The following SLU7 variants were observed in gnomAD, a reference collection of about 807,000 sequenced individuals.
SLU7 encodes the protein pre-mRNA-splicing factor SLU7.
SLU7 carries 60 observed loss-of-function variants against 87.0 expected under a neutral mutation model. That is an observed-to-expected ratio of 0.69 (90% CI 0.56 to 0.86). The LOEUF is 0.86. SLU7 is among the 40% of genes least tolerant of loss of function. The pLI is 0.00. For synonymous variants in SLU7, 197 were observed against 222.0 expected (o/e 0.89, Z 1.00); for missense variants, 507 against 686.6 (o/e 0.74, Z 2.92).
At chr5:160,409,595 T>C (rs573959776) in intron 6 of SLU7, among the ~76,000 whole-genome samples, 1 of 152,318 alleles carries the variant, frequency 6.6e-6, no homozygotes, top group East Asian at 1.9e-4. Context: ...TATCCTAGTA[T>C]CATGTCAATT....
chr5:160,413,610 C>T lies in SLU7; in HGVS notation c.416G>A (p.Arg139Gln), dbSNP rs756490598. 9.3e-6 allele frequency: 15 copies of T among 1,609,212 alleles called. No individual in the cohort carries two copies. Among genetic ancestry groups the T allele is most frequent in the African/African-American group, 4.0e-5 (3 of 74,768 alleles). Residue 139 changes from arginine (R) to glutamine (Q), a missense_variant, in exon 5 of 16, where the codon CGA becomes CAA. Arg to Gln is a conservative substitution (Grantham distance 43). Transcript: ENST00000297151. ...AGTACCTGTAAATTTGGCTCCAACT[C>T]GCCTAGGTCTCTAAAAACAGAGTAA... ...KKKDCFERPR[R>Q]VGAKFTGTNI...
chr5:160,412,523 TAAAAA>T lies in SLU7; in HGVS notation c.571-9_571-5del. On this transcript the variant is annotated splice_polypyrimidine_tract_variant and splice_region_variant and intron_variant, in intron 5 of 15. Coordinates refer to ENST00000297151, the MANE Select transcript of SLU7 (RefSeq NM_006425.5). ...GGGCTTTCAATGTTCGTTTTGCCTT[TAAAAA>T]AAAAAAAAAGAAAGAAAGAAAGAAA... The T allele has an allele frequency of 1.2e-6, 1 of 826,880 alleles. No homozygotes were observed. The highest frequency in any genetic ancestry group is 1.7e-6 in the Non-Finnish European group (1 of 596,894). 51.2% of individuals were successfully genotyped at this position (826,880 alleles called of 1,614,324 possible). A position where few individuals can be genotyped will look rare whatever the true frequency, so the allele number is the denominator to read the frequency against.
Position 160,407,963 on chromosome 5 carries a change from A to T in SLU7, c.917+8T>A. On this transcript the variant is annotated splice_region_variant and intron_variant, in intron 9 of 15. Transcript: ENST00000297151. The surrounding 1 kb of genome is among the most constrained non-coding windows in gnomAD (Gnocchi z 4.2). ...TCTTAAAATCTGTACATTTAACTTGATACTTACTCATCTGGATTCTTTCCT... is the reference window on the plus strand; with the variant it reads ...TCTTAAAATCTGTACATTTAACTTGTTACTTACTCATCTGGATTCTTTCCT... The T allele has an allele frequency of 6.3e-7, 1 of 1,590,512 alleles. No homozygotes were observed. The highest frequency in any genetic ancestry group is 1.3e-5 in the African/African-American group (1 of 74,544).
Position 160,403,273 on chromosome 5 carries a change from T to C in SLU7, c.*12A>G. The C allele has an allele frequency of 1.3e-6, 2 of 1,577,208 alleles. No homozygotes were observed. On this transcript the variant is annotated 3_prime_UTR_variant, in exon 16 of 16. Coordinates refer to ENST00000297151, the MANE Select transcript of SLU7 (RefSeq NM_006425.5). ...CAGCTGCATCTATCTTGGATGGTCTTCTGACTAGTTGCTACTGTCCAAGGA... is the reference window on the plus strand; with the variant it reads ...CAGCTGCATCTATCTTGGATGGTCTCCTGACTAGTTGCTACTGTCCAAGGA...
At position 160,412,500 on chromosome 5, in the gene SLU7, G is replaced by A. The variant is rs752702917; in HGVS notation, c.590C>T (p.Ala197Val). 22 of 1,391,366 alleles carry A rather than the reference G, an allele frequency of 1.6e-5. No homozygotes were observed. Among genetic ancestry groups the A allele is most frequent in the Admixed American group, 4.2e-5 (2 of 47,186 alleles). 86.2% of individuals were successfully genotyped at this position (1,391,366 alleles called of 1,614,324 possible). Residue 197 changes from alanine to valine, a missense_variant, in exon 6 of 16, where the codon GCC (alanine) becomes GTC (valine). Transcript: ENST00000297151. Reference sequence around the variant, plus strand: ...GGCTAATTCCTCTTGGAGTTTCTGGGCTTTCAATGTTCGTTTTGCCTTTAA... The same window carrying A: ...GGCTAATTCCTCTTGGAGTTTCTGGACTTTCAATGTTCGTTTTGCCTTTAA... ...KVDLAKRTLK[A>V]QKLQEELASG...
chr5:160,406,700 T>A, intron 11 of SLU7, 71 bp from the exon 12 acceptor site: 1 of 1,193,122 alleles, frequency 8.4e-7, no homozygotes, highest in Non-Finnish European at 1.2e-6. Flanking sequence ...AGAAAACATT[T>A]ATTTCTAATC....
rs368420054 is a variant in SLU7, at chr5:160,414,302, A to G, written c.324+17T>C. ...ACTCTCCATATCCATGAAGATGTAT[A>G]CAGGTTGCCTACATACCTCTTTTAC... is the stretch of plus-strand genomic sequence containing the variant. On this transcript the variant is annotated intron_variant, in intron 3 of 15. Transcript: ENST00000297151. 19 of 1,573,596 alleles carry G rather than the reference A, an allele frequency of 1.2e-5. No homozygotes were observed. The African/African-American group carries it at 2.6e-4, about 22-fold the overall frequency.
chr5:160,414,045 T>C (rs1020815174), intron 3 of SLU7, 66 bp from the exon 4 acceptor site: 1 of 995,534 alleles, frequency 1.0e-6, no homozygotes, highest in South Asian at 1.6e-5. Flanking sequence ...ACTTTGACTC[T>C]CATTACTATT....
intron 6 of SLU7, 60 bp from the exon 7 acceptor site, chr5:160,408,757 T>C: frequency 3.3e-6 from 2 of 600,122 alleles, no homozygotes; most frequent in South Asian, 6.6e-5. Context: ...CAATTAACTT[T>C]ATTATTAAGA....
chr5:160,411,218 T>C (rs1765221303), intron 6 of SLU7, among the ~76,000 whole-genome samples: 1 of 151,978 alleles, frequency 6.6e-6, no homozygotes. Flanking sequence ...GAGATGGATT[T>C]TGTTATTGAT....
rs1345224493 is a variant in SLU7 at position 160,412,064 on chromosome 5, C to T, written c.639+387G>A. On this transcript the variant is annotated intron_variant, in intron 6 of 15. Transcript: ENST00000297151. ...ATTTTAAGAACTACACAGCATTACACCATGCAGATGCACTTAACCAATTCC... is the reference window on the plus strand; with the variant it reads ...ATTTTAAGAACTACACAGCATTACATCATGCAGATGCACTTAACCAATTCC... Among the ~76,000 whole-genome samples the T allele has an allele frequency of 3.3e-5, 5 of 152,268 alleles. No individual in the cohort carries two copies. In the East Asian group the frequency reaches 9.6e-4, roughly 29 times the overall value.
In SLU7 at chr5:160,405,073, GAA is replaced by G. The variant is rs1764953179; in HGVS notation, c.1348_1349del (p.Phe450GlnfsTer15). 1.2e-6 allele frequency: 2 copies of G among 1,613,526 alleles called. No homozygotes were observed. The highest frequency in any genetic ancestry group is 1.7e-6 in the Non-Finnish European group (2 of 1,179,688). On this transcript the variant is annotated frameshift_variant, in exon 13 of 16. Coordinates refer to ENST00000297151, the MANE Select transcript of SLU7 (RefSeq NM_006425.5). LOFTEE classifies it high-confidence loss of function. Reference protein sequence around the residue: ...RWGYKCCHSFFKYSYCTGEAG... With the variant: ...RWGYKCCHSFXKYSYCTGEAG... ...CTTCTCCAGTACAATAGGAATACTT[GAA>G]AAAAGAGTGACAGCATTTGTATCCC...
chr5:160,410,812 T>A (rs1345817026), intron 6 of SLU7, among the ~76,000 whole-genome samples: 2 of 151,952 alleles, frequency 1.3e-5, no homozygotes, highest in African/African-American at 4.8e-5. Context: ...TTCCTGGGGG[T>A]AGGTGTTATC....
rs1733754549 is a variant in SLU7, at chr5:160,407,334, C to G, written c.1125+142G>C. 1.4e-6 allele frequency: 1 copy of G among 698,274 alleles called. No individual in the cohort carries two copies. Among genetic ancestry groups the G allele is most frequent in the African/African-American group, 1.8e-5 (1 of 55,052 alleles). The allele number at this position is 698,274 out of a possible 1,614,324, so 43.3% of individuals were successfully genotyped here. On this transcript the variant is annotated intron_variant, in intron 11 of 15. Transcript: ENST00000297151. This position sits in a 1 kb window ranked among gnomAD's most constrained non-coding sequence, Gnocchi z 4.2. ...AAGCTCATACAAAATTACCATCTGACTAAGAGAAAGGAAGAAAAGGACTAT... is the reference window on the plus strand; with the variant it reads ...AAGCTCATACAAAATTACCATCTGAGTAAGAGAAAGGAAGAAAAGGACTAT...
intron 14 of SLU7, 125 bp from the exon 15 acceptor site, chr5:160,404,681 G>T: frequency 1.2e-6 from 1 of 866,414 alleles, no homozygotes; most frequent in South Asian, 1.6e-5. Context: ...GGCCCAGACC[G>T]TGCACTGCGC....
At chr5:160,409,722 G>C (rs1359457141) in intron 6 of SLU7, among the ~76,000 whole-genome samples, 1 of 152,060 alleles carries the variant, frequency 6.6e-6, no homozygotes, top group Admixed American at 6.6e-5. Context: ...TGCACTCCAT[G>C]GAACACTGAA....
Position 160,405,154 on chromosome 5 carries a change from A to C in SLU7, c.1288-19T>G. 6.5e-7 allele frequency: 1 copy of C among 1,536,504 alleles called. No individual in the cohort carries two copies. The highest frequency in any genetic ancestry group is 9.0e-7 in the Non-Finnish European group (1 of 1,113,202). ...AGATATGCTGCAGAGAGAGAAATTA[A>C]AAAGCTTAAAAAGGAAGCTGAAATT... On this transcript the variant is annotated intron_variant, in intron 12 of 15. Coordinates refer to ENST00000297151, the MANE Select transcript of SLU7 (RefSeq NM_006425.5).
At chr5:160,418,405 A>G (rs1290943619) in intron 1 of SLU7, among the ~76,000 whole-genome samples, 1 of 152,250 alleles carries the variant, frequency 6.6e-6, no homozygotes, top group African/African-American at 2.4e-5. Context: ...CCAGTATGTT[A>G]TACTTGTCCA....
At position 160,404,818 on chromosome 5, in the gene SLU7, G is replaced by A. The variant is rs748152255; in HGVS notation, c.1455C>T (p.Thr485=). ...ATGATTATCAACTTACCTCCATGAG[G>A]GTTTGAGGTTTTTTCACAGATTCTT... ...TGEESVKKPQ[T]LMELHQEKLK... is the part of the protein sequence containing the mutation. Residue 485 remains threonine (T), a synonymous_variant, in exon 14 of 16, where the codon ACC becomes ACT. Transcript: ENST00000297151. 7 of 1,605,564 alleles carry A rather than the reference G, an allele frequency of 4.4e-6. No homozygotes were observed. In the East Asian group the frequency reaches 1.3e-4, roughly 31 times the overall value.
Sources: gnomAD v4.1 joint callset for allele counts (sites outside exome capture counted in the v4.1 genomes callset) on GRCh38, gnomAD v4.1.1 for gene constraint, Gnocchi (gnomAD v3.1) non-coding constraint, MANE v1.5 for transcripts, NCBI Gene and HGNC (gene_info 2026-07-23, HGNC 2026-07-21) for gene names.